PCDHA11: variants seen among roughly 807,000 people sequenced by gnomAD.
PCDHA11 encodes the protein protocadherin alpha-11.
In PCDHA11, 61 loss-of-function variants were observed where a neutral mutation model predicts 70.3. The ratio of observed to expected loss-of-function variants is 0.87; its 90% CI spans 0.71 to 1.07. PCDHA11 has a LOEUF of 1.07. Among genes scored for constraint, PCDHA11 ranks in the 50% least tolerant of loss-of-function variants. PCDHA11 has a pLI of 0.00. For missense variants in PCDHA11, 1,324 were observed against 1,237.5 expected, an observed-to-expected ratio of 1.07 and a Z score of -1.05; for synonymous variants, 633 against 555.1, an observed-to-expected ratio of 1.14 and a Z score of -1.97.
intron 1 of PCDHA11, among the ~76,000 whole-genome samples, chr5:140,939,849 G>A (rs1554212970): frequency 6.6e-6 from 1 of 152,134 alleles, no homozygotes; most frequent in Non-Finnish European, 1.5e-5. Context: ...GTTGTGTTCT[G>A]TATATGTCCA....
intron 1 of PCDHA11, chr5:140,927,024 G>A (rs1554203920): frequency 6.2e-7 from 1 of 1,612,408 alleles, no homozygotes. Flanking sequence ...CGGACTTGAG[G>A]CTGCCAGCGG....
At chr5:140,930,527 A>G (rs73793525) in intron 1 of PCDHA11, 1 of 152,462 alleles carries the variant, frequency 6.6e-6, no homozygotes, top group Non-Finnish European at 1.5e-5. Context: ...CTGGCCCTCA[A>G]ACTTCTTGAG....
chr5:140,884,183 G>A (rs201206731), intron 1 of PCDHA11: 1 of 1,613,424 alleles, frequency 6.2e-7, no homozygotes, highest in Non-Finnish European at 8.5e-7. Flanking sequence ...CCCTCTGGAC[G>A]AGGTGGACGC....
intron 1 of PCDHA11, among the ~76,000 whole-genome samples, chr5:140,939,456 T>C (rs1554212738): frequency 6.6e-6 from 1 of 152,206 alleles, no homozygotes; most frequent in Non-Finnish European, 1.5e-5. Flanking sequence ...GTGAAATTTA[T>C]AGGCCTAGAA....
At chr5:140,929,690 C>A in intron 1 of PCDHA11, 1 of 278,482 alleles carries the variant, frequency 3.6e-6, no homozygotes, top group Non-Finnish European at 7.0e-6. Flanking sequence ...TAAGAGTCTG[C>A]TTTATATGAA....
chr5:140,927,247 G>A (rs782521189), intron 1 of PCDHA11: 7 of 1,613,978 alleles, frequency 4.3e-6, no homozygotes, highest in Middle Eastern at 3.3e-4. Flanking sequence ...GGACACCAAT[G>A]ACAACTCACC....
At chr5:140,983,992 C>A (rs2097080247) in intron 3 of PCDHA11, among the ~76,000 whole-genome samples, 1 of 152,200 alleles carries the variant, frequency 6.6e-6, no homozygotes, top group Non-Finnish European at 1.5e-5. Flanking sequence ...TGAAGCAATT[C>A]ATTAGAGAGC....
At chr5:140,927,619 C>T (rs2084429859) in intron 1 of PCDHA11, 3 of 1,614,170 alleles carry the variant, frequency 1.9e-6, no homozygotes, top group Non-Finnish European at 2.5e-6. Flanking sequence ...CACCAAGGTT[C>T]CAGAGACTGC....
At chr5:140,924,105 C>A (rs140580566) in intron 1 of PCDHA11, among the ~76,000 whole-genome samples, 5 of 152,144 alleles carry the variant, frequency 3.3e-5, no homozygotes, top group Admixed American at 2.6e-4. Flanking sequence ...ATTTTCATTC[C>A]AAAGCAGTTA....
intron 1 of PCDHA11, chr5:140,927,619 C>G: frequency 6.2e-7 from 1 of 1,614,170 alleles, no homozygotes; most frequent in Non-Finnish European, 8.5e-7. Flanking sequence ...CACCAAGGTT[C>G]CAGAGACTGC....
chr5:140,927,697 C>T, intron 1 of PCDHA11: 2 of 1,614,170 alleles, frequency 1.2e-6, no homozygotes, highest in Non-Finnish European at 1.7e-6. Flanking sequence ...TGGGGAAGTC[C>T]AGTACTCCCT....
chr5:140,918,115 A>T (rs185486488), intron 1 of PCDHA11, among the ~76,000 whole-genome samples: 1 of 152,080 alleles, frequency 6.6e-6, no homozygotes, highest in East Asian at 1.9e-4. Context: ...CACATCCTTG[A>T]TTAGCCATAT....
chr5:140,905,163 G>A (rs782288723), intron 1 of PCDHA11, among the ~76,000 whole-genome samples: 30 of 152,274 alleles, frequency 2.0e-4, no homozygotes, highest in African/African-American at 7.0e-4. Flanking sequence ...AATTTTCATG[G>A]TTTCAGGTTT....
rs530025575 is a variant in PCDHA11 at position 140,922,023 on chromosome 5, TA to T, written c.2391+50535del. On this transcript the variant is annotated intron_variant, in intron 1 of 3. Coordinates refer to ENST00000398640, the MANE Select transcript of PCDHA11 (RefSeq NM_018902.5). ...AATGATTAGTTTAAAAAAATAAATA[TA>T]AAAAATGTAATTTTCCCACATACCT... Among the ~76,000 whole-genome samples, 1,214 of 152,080 alleles carry T rather than the reference TA, an allele frequency of 8.0e-3. 6 individuals carry two copies. The highest frequency in any genetic ancestry group is 0.019 in the African/African-American group (784 of 41,506).
At chr5:140,882,009 A>C in intron 1 of PCDHA11, 1 of 522,488 alleles carries the variant, frequency 1.9e-6, no homozygotes, top group East Asian at 3.2e-5. Context: ...AGGGGCAAAA[A>C]AATACTACAT....
chr5:140,875,654 C>A lies in PCDHA11; in HGVS notation c.2391+4160C>A, dbSNP rs781924559. The stretch of plus-strand genomic sequence containing the variant: ...GGGCTGGAGCTGGCGGAGCTGGTGC[C>A]GCGCCTGTTCCGGGTGGCGTCCAAA... On this transcript the variant is annotated intron_variant, in intron 1 of 3. Transcript: ENST00000398640. 54 of 1,613,584 alleles carry A rather than the reference C, an allele frequency of 3.3e-5. No homozygotes were observed. Among genetic ancestry groups the A allele is most frequent in the African/African-American group, 1.3e-4 (10 of 74,926 alleles).
At chr5:140,893,380 C>A (rs1554185596) in intron 1 of PCDHA11, among the ~76,000 whole-genome samples, 1 of 152,130 alleles carries the variant, frequency 6.6e-6, no homozygotes, top group African/African-American at 2.4e-5. Context: ...ATTTATGGGA[C>A]AGTGGCTCAT....
chr5:140,873,240 A>G (rs1008708021), intron 1 of PCDHA11, among the ~76,000 whole-genome samples: 10 of 152,226 alleles, frequency 6.6e-5, no homozygotes, highest in African/African-American at 2.4e-4. Context: ...ATAAAAATAT[A>G]AAATATTTCA....
chr5:140,974,330 A>G (rs542172748), intron 1 of PCDHA11, among the ~76,000 whole-genome samples: 1 of 152,346 alleles, frequency 6.6e-6, no homozygotes, highest in African/African-American at 2.4e-5. Flanking sequence ...CTGCTGTGCT[A>G]GCAGGCTATG....
Sources: gnomAD v4.1 joint callset for allele counts (sites outside exome capture counted in the v4.1 genomes callset) on GRCh38, gnomAD v4.1.1 for gene constraint, MANE v1.5 for transcripts, NCBI Gene and HGNC (gene_info 2026-07-23, HGNC 2026-07-21) for gene names.